Variants in CACNA1A observed in about 807,000 individuals in gnomAD.
CACNA1A encodes the protein calcium voltage-gated channel subunit alpha1 A.
A neutral mutation model predicts 262.4 loss-of-function variants in CACNA1A; 57 were observed. That is an observed-to-expected ratio of 0.22 (90% CI 0.18 to 0.27). The LOEUF is 0.27. Ranked by LOEUF, CACNA1A falls within the 10% of genes least tolerant of loss-of-function variation. The probability of loss-of-function intolerance (pLI) is 1.00; values close to 1 mark genes in which losing one functional copy is unlikely to be tolerated. For synonymous variants in CACNA1A, 1,431 were observed against 1,419.3 expected (o/e 1.01, Z -0.18); for missense variants, 2,526 against 3,562.8 (o/e 0.71, Z 7.41).
intron 30 of CACNA1A, among the ~76,000 whole-genome samples, chr19:13,250,017 T>C (rs1037860330): frequency 6.6e-6 from 1 of 151,868 alleles, no homozygotes; most frequent in Non-Finnish European, 1.5e-5. Flanking sequence ...AAGAATTCAC[T>C]TCACTTCAAG....
At chr19:13,388,047 CT>C (rs2059645139) in intron 3 of CACNA1A, among the ~76,000 whole-genome samples, 1 of 151,874 alleles carries the variant, frequency 6.6e-6, no homozygotes, top group African/African-American at 2.4e-5. Context: ...TAGTGGCCCC[CT>C]AACCTCAGGT....
At chr19:13,402,843 T>TAC (rs1253989975) in intron 3 of CACNA1A, among the ~76,000 whole-genome samples, 3 of 124,582 alleles carry the variant, frequency 2.4e-5, no homozygotes, top group East Asian at 2.2e-4. Flanking sequence ...TACATATATA[T>TAC]ACACATATAT....
At chr19:13,336,690 C>T (rs1437872066) in intron 6 of CACNA1A, among the ~76,000 whole-genome samples, 4 of 151,118 alleles carry the variant, frequency 2.6e-5, no homozygotes, top group African/African-American at 9.7e-5. Context: ...TGTGCTGGCA[C>T]CTTCCTAAGC....
At chr19:13,488,367 A>T (rs535698860) in intron 1 of CACNA1A, among the ~76,000 whole-genome samples, 80 of 142,554 alleles carry the variant, frequency 5.6e-4, no homozygotes, top group African/African-American at 2.0e-3. Context: ...AGCTTGGGGC[A>T]TCAGCATTTT....
At chr19:13,230,256 G>A in intron 35 of CACNA1A, 47 bp from the exon 36 acceptor site, 3 of 1,606,272 alleles carry the variant, frequency 1.9e-6, no homozygotes, top group Non-Finnish European at 2.6e-6. Context: ...AGAGACCGAG[G>A]GAATGAATGA....
intron 3 of CACNA1A, among the ~76,000 whole-genome samples, chr19:13,430,966 C>T (rs1046878151): frequency 2.0e-5 from 3 of 151,522 alleles, no homozygotes; most frequent in Non-Finnish European, 4.4e-5. Context: ...GTGCAAAGGC[C>T]CTGAGGCTGG....
intron 22 of CACNA1A, among the ~76,000 whole-genome samples, chr19:13,281,239 G>A (rs2057281549): frequency 6.6e-6 from 1 of 151,912 alleles, no homozygotes. Context: ...TTAGCTGGGT[G>A]TGGTGGTGCA....
chr19:13,214,756 A>C lies in CACNA1A; in HGVS notation c.5732-148T>G. ...CCAGTTCCCCAACGGCCTGGCCCAG[A>C]GGAGGCCCTGGGCAGTGCTGCTGGA... On this transcript the variant is annotated intron_variant, in intron 38 of 46. Coordinates refer to ENST00000360228, the MANE Select transcript of CACNA1A (RefSeq NM_001127222.2). This position sits in a 1 kb window ranked among gnomAD's most constrained non-coding sequence, Gnocchi z 4.1. The C allele has an allele frequency of 1.5e-6, 1 of 657,562 alleles. No individual in the cohort carries two copies. Among genetic ancestry groups the C allele is most frequent in the Non-Finnish European group, 2.7e-6 (1 of 372,416 alleles). 40.7% of individuals were successfully genotyped at this position (657,562 alleles called of 1,614,324 possible).
chr19:13,418,376 A>C (rs1225117954), intron 3 of CACNA1A, among the ~76,000 whole-genome samples: 1 of 152,116 alleles, frequency 6.6e-6, no homozygotes, highest in African/African-American at 2.4e-5. Context: ...TTCAAAGCGC[A>C]TTCTGGCTGT....
chr19:13,441,665 A>AG (rs570938663), intron 3 of CACNA1A, among the ~76,000 whole-genome samples: 1,350 of 124,550 alleles, frequency 0.011, 23 homozygotes, highest in African/African-American at 0.046. Context: ...CCCTGTCTCG[A>AG]GGAAAAAAAA....
intron 1 of CACNA1A, among the ~76,000 whole-genome samples, chr19:13,460,544 T>A (rs1414146108): frequency 6.6e-6 from 1 of 152,104 alleles, no homozygotes; most frequent in Non-Finnish European, 1.5e-5. Flanking sequence ...GTGGAAGTAT[T>A]CAAAGCCTTC....
chr19:13,447,244 G>A (rs2060832841), intron 3 of CACNA1A, among the ~76,000 whole-genome samples: 1 of 152,084 alleles, frequency 6.6e-6, no homozygotes, highest in Admixed American at 6.6e-5. Flanking sequence ...AATTTCAGTG[G>A]GTTCATTCAT....
rs1392079452 is a variant in CACNA1A, at chr19:13,303,622, G to C, written c.2105-9C>G. 2 of 1,611,700 alleles carry C rather than the reference G, an allele frequency of 1.2e-6. No individual in the cohort carries two copies. The highest frequency in any genetic ancestry group is 4.5e-5 in the East Asian group (2 of 44,804). On this transcript the variant is annotated splice_polypyrimidine_tract_variant and intron_variant, in intron 16 of 46. Coordinates refer to ENST00000360228, the MANE Select transcript of CACNA1A (RefSeq NM_001127222.2). ...CACATTCAGGAGGGTGTCTGCAAAT[G>C]TCTGAGTCAGGAAAAGCAACCACTG...
rs1599462283 is a variant in CACNA1A at position 13,441,262 on chromosome 19, A to G, written c.539+11614T>C. Among the ~76,000 whole-genome samples, 3 of 152,126 alleles carry G rather than the reference A, an allele frequency of 2.0e-5. No homozygotes were observed. In the South Asian group the frequency reaches 6.2e-4, roughly 31 times the overall value. On this transcript the variant is annotated intron_variant, in intron 3 of 46. Coordinates refer to ENST00000360228, the MANE Select transcript of CACNA1A (RefSeq NM_001127222.2). The stretch of plus-strand genomic sequence containing the variant: ...CCCCAAAGACCAGGTCTTAACCACT[A>G]TGCTTCCTTACGTGTCTATGTAGAC...
intron 24 of CACNA1A, chr19:13,273,065 A>G (rs1473971391): frequency 6.6e-6 from 1 of 152,134 alleles, no homozygotes; most frequent in Admixed American, 6.5e-5. Context: ...CCTGGGTCCA[A>G]GCAATTCTCC....
chr19:13,378,453 C>T (rs764162234), intron 3 of CACNA1A, among the ~76,000 whole-genome samples: 6 of 152,002 alleles, frequency 3.9e-5, no homozygotes, highest in Admixed American at 1.3e-4. Flanking sequence ...AGAAATCTTT[C>T]GTGAAAGGAA....
In CACNA1A at chr19:13,303,982, G is replaced by A. The variant is rs4926263; in HGVS notation, c.1987-98C>T. 805,688 of 813,614 alleles carry A rather than the reference G, an allele frequency of 0.99. 398,947 individuals carry two copies. Among genetic ancestry groups the A allele is most frequent in the East Asian group, 1 (40,914 of 40,916 alleles). 50.4% of individuals were successfully genotyped at this position (813,614 alleles called of 1,614,324 possible). Reference sequence around the variant, plus strand: ...GCCGGAATCCGCCCACCCCATCCCCGAGCCCAGGAGGTCTTTAACAATCCT... The same window carrying A: ...GCCGGAATCCGCCCACCCCATCCCCAAGCCCAGGAGGTCTTTAACAATCCT... On this transcript the variant is annotated intron_variant, in intron 15 of 46. Coordinates refer to ENST00000360228, the MANE Select transcript of CACNA1A (RefSeq NM_001127222.2).
intron 19 of CACNA1A, among the ~76,000 whole-genome samples, chr19:13,298,074 C>T (rs1190518025): frequency 6.6e-6 from 1 of 151,524 alleles, no homozygotes; most frequent in Non-Finnish European, 1.5e-5. Flanking sequence ...CCGCCCGCCT[C>T]GGCCTCTCAA....
Position 13,330,879 on chromosome 19 carries a change from C to A in CACNA1A, c.1256-546G>T, listed in dbSNP as rs6511856. The stretch of plus-strand genomic sequence containing the variant: ...GCTAGGATTACAGGCGTGAGCCGCC[C>A]CACTCAGCCTCTATTTTTAAATTCT... On this transcript the variant is annotated intron_variant, in intron 9 of 46. Coordinates refer to ENST00000360228, the MANE Select transcript of CACNA1A (RefSeq NM_001127222.2). Among the ~76,000 whole-genome samples, 88 of 151,944 alleles carry A rather than the reference C, an allele frequency of 5.8e-4. 2 individuals carry two copies. Among genetic ancestry groups the A allele is most frequent in the Non-Finnish European group, 1.5e-4 (10 of 67,948 alleles).
Sources: allele counts gnomAD v4.1 joint callset (sites outside exome capture counted in the v4.1 genomes callset), GRCh38; gene constraint gnomAD v4.1.1; non-coding constraint Gnocchi (gnomAD v3.1); transcripts MANE v1.5; gene names NCBI Gene and HGNC (gene_info 2026-07-23, HGNC 2026-07-21).